AXDND1: variants seen among roughly 807,000 people sequenced by gnomAD.
AXDND1 encodes the protein axonemal dynein light chain domain containing 1, also known as axonemal dynein light chain domain-containing protein 1.
In AXDND1, 110 loss-of-function variants were observed where a neutral mutation model predicts 137.5. The observed-to-expected ratio is 0.80, with a 90% CI of 0.69 to 0.94. The LOEUF is 0.94. Among genes scored for constraint, AXDND1 ranks in the 40% least tolerant of loss-of-function variants. The probability of loss-of-function intolerance (pLI) is 0.00; values close to 1 mark genes in which losing one functional copy is unlikely to be tolerated. For synonymous variants in AXDND1, 414 were observed against 399.7 expected, an observed-to-expected ratio of 1.04 and a Z score of -0.43; for missense variants, 1,191 against 1,169.8, an observed-to-expected ratio of 1.02 and a Z score of -0.26.
intron 17 of AXDND1, among the ~76,000 whole-genome samples, chr1:179,481,744 A>G (rs1665417740): frequency 6.6e-6 from 1 of 152,204 alleles, no homozygotes. Flanking sequence ...AGTGATGATG[A>G]GCATTTTTTC....
At chr1:179,550,395 G>A (rs912792768) in intron 25 of AXDND1, 3 of 152,128 alleles carry the variant, frequency 2.0e-5, no homozygotes, top group Non-Finnish European at 4.4e-5. Context: ...AAATAAACAA[G>A]CTGGTAAGTT....
At chr1:179,436,670 AC>A (rs1658199743) in intron 15 of AXDND1, among the ~76,000 whole-genome samples, 1 of 151,996 alleles carries the variant, frequency 6.6e-6, no homozygotes, top group Admixed American at 6.6e-5. Context: ...AAGGGGAAAA[AC>A]CACACACTGG....
At chr1:179,418,680 C>T (rs1288749632) in intron 12 of AXDND1, among the ~76,000 whole-genome samples, 2 of 151,248 alleles carry the variant, frequency 1.3e-5, no homozygotes, top group Non-Finnish European at 3.0e-5. Context: ...GACACCACCA[C>T]CTCCCTCCCG....
chr1:179,502,924 C>T (rs181005081), intron 20 of AXDND1, among the ~76,000 whole-genome samples: 127 of 151,682 alleles, frequency 8.4e-4, no homozygotes, highest in Admixed American at 4.3e-3. Context: ...GGAGAGACCC[C>T]GTCTCTACTG....
In AXDND1 at chr1:179,462,944, T is replaced by C. The variant is rs540945218; in HGVS notation, c.1799-5499T>C. Among the ~76,000 whole-genome samples the C allele has an allele frequency of 1.1e-4, 17 of 152,336 alleles. No homozygotes were observed. The East Asian group carries it at 3.1e-3, about 28-fold the overall frequency. ...TATAGTATTCTCTGATGGTAGTTTG[T>C]ATTTCTGTGGGATCAGTGGTGATAT... On this transcript the variant is annotated intron_variant, in intron 16 of 25. Coordinates refer to ENST00000367618, the MANE Select transcript of AXDND1 (RefSeq NM_144696.6).
chr1:179,417,322 C>T (rs1451971012), intron 12 of AXDND1, among the ~76,000 whole-genome samples: 1 of 151,806 alleles, frequency 6.6e-6, no homozygotes, highest in Non-Finnish European at 1.5e-5. Context: ...TGATTGTTTC[C>T]TTTACCATGC....
chr1:179,406,682 G>A (rs2125198646), intron 11 of AXDND1, among the ~76,000 whole-genome samples: 1 of 152,116 alleles, frequency 6.6e-6, no homozygotes, highest in African/African-American at 2.4e-5. Context: ...ACTCCTGCTT[G>A]CTTTGGTTTC....
chr1:179,481,225 C>T (rs1238843798), intron 17 of AXDND1, among the ~76,000 whole-genome samples: 3 of 152,134 alleles, frequency 2.0e-5, no homozygotes, highest in Admixed American at 6.5e-5. Flanking sequence ...TGAGTGAGAA[C>T]ATGCGATGTT....
chr1:179,523,663 A>G (rs537927113), intron 21 of AXDND1, among the ~76,000 whole-genome samples: 2 of 152,264 alleles, frequency 1.3e-5, no homozygotes, highest in South Asian at 2.1e-4. Flanking sequence ...TTCCCTTAGC[A>G]TAGTGTTTTC....
intron 25 of AXDND1, among the ~76,000 whole-genome samples, chr1:179,553,463 A>G (rs1298803843): frequency 6.6e-6 from 1 of 152,220 alleles, no homozygotes; most frequent in Admixed American, 6.5e-5. Context: ...AGCATGGTTG[A>G]ACGTTGAAAA....
At chr1:179,495,106 A>C (rs1667312405) in intron 20 of AXDND1, among the ~76,000 whole-genome samples, 1 of 152,070 alleles carries the variant, frequency 6.6e-6, no homozygotes, top group South Asian at 2.1e-4. Context: ...CTTCATTACT[A>C]TTGTTTTGTA....
chr1:179,430,631 TC>T (rs1460118999), intron 14 of AXDND1, 25 bp downstream of exon 14: 1 of 1,599,174 alleles, frequency 6.3e-7, no homozygotes, highest in Non-Finnish European at 8.5e-7. Context: ...ATCTTGTTTT[TC>T]TGATTATACT....
intron 4 of AXDND1, among the ~76,000 whole-genome samples, chr1:179,373,628 T>G (rs1319611336): frequency 6.6e-6 from 1 of 151,904 alleles, no homozygotes; most frequent in Non-Finnish European, 1.5e-5. Flanking sequence ...TCAAAACAGA[T>G]ATATAGACCA....
chr1:179,515,714 C>CT (rs1048051555), intron 21 of AXDND1, among the ~76,000 whole-genome samples: 2 of 151,844 alleles, frequency 1.3e-5, no homozygotes, highest in African/African-American at 4.8e-5. Flanking sequence ...ATCAATTATT[C>CT]TTTTTTTTAA....
At chr1:179,394,592 A>AAAAATAAAAT (rs71111984) in intron 10 of AXDND1, among the ~76,000 whole-genome samples, 4 of 135,786 alleles carry the variant, frequency 2.9e-5, no homozygotes, top group Non-Finnish European at 4.9e-5. Flanking sequence ...CCTGTCTCAG[A>AAAAATAAAAT]AAAATAAAAT....
chr1:179,546,712 T>C (rs563251780), intron 25 of AXDND1, among the ~76,000 whole-genome samples: 2 of 152,296 alleles, frequency 1.3e-5, no homozygotes, highest in South Asian at 4.1e-4. Flanking sequence ...TTCCATGTCC[T>C]GTAGTGCCGA....
At position 179,446,842 on chromosome 1, in the gene AXDND1, GAATA is replaced by G. The variant is rs554350976; in HGVS notation, c.1798+1644_1798+1647del. Among the ~76,000 whole-genome samples, 212 of 149,220 alleles carry G rather than the reference GAATA, an allele frequency of 1.4e-3. 1 individual carries two copies. The highest frequency in any genetic ancestry group is 5.0e-3 in the African/African-American group (204 of 40,694). On this transcript the variant is annotated intron_variant, in intron 16 of 25. Transcript: ENST00000367618. ...TAGTGTCCTTTTTTTTTTTTAAACA[GAATA>G]AATAAGTCATGTTTAATGCTTCTAG... is the stretch of plus-strand genomic sequence containing the variant.
intron 21 of AXDND1, among the ~76,000 whole-genome samples, chr1:179,511,190 A>G (rs1218242463): frequency 1.3e-5 from 2 of 151,696 alleles, no homozygotes; most frequent in Admixed American, 1.3e-4. Context: ...AAGTTTCTCC[A>G]GTCTCATCCA....
At chr1:179,427,566 C>A (rs1656757800) in intron 12 of AXDND1, among the ~76,000 whole-genome samples, 1 of 151,916 alleles carries the variant, frequency 6.6e-6, no homozygotes, top group African/African-American at 2.4e-5. Context: ...CCTTTCCAGA[C>A]AAATGAAATG....
Sources: gnomAD v4.1 joint callset for allele counts (sites outside exome capture counted in the v4.1 genomes callset) on GRCh38, gnomAD v4.1.1 for gene constraint, MANE v1.5 for transcripts, NCBI Gene and HGNC (gene_info 2026-07-23, HGNC 2026-07-21) for gene names.